UGT1A9: variants seen among roughly 807,000 people sequenced by gnomAD.
UGT1A9 encodes UDP-glucuronosyltransferase 1A9.
UGT1A9 carries 35 observed loss-of-function variants against 45.0 expected under a neutral mutation model. That is an observed-to-expected ratio of 0.78 (90% CI 0.59 to 1.03). The LOEUF is 1.03. Ranked by LOEUF, UGT1A9 falls within the 50% of genes least tolerant of loss-of-function variation. The probability of loss-of-function intolerance (pLI) is 0.00; values close to 1 mark genes in which losing one functional copy is unlikely to be tolerated. For missense variants in UGT1A9, 687 were observed against 666.6 expected (o/e 1.03, Z -0.34); for synonymous variants, 278 against 250.6 (o/e 1.11, Z -1.03).
intron 1 of UGT1A9, chr2:233,761,087 C>G (rs141950052): frequency 6.2e-7 from 1 of 1,614,018 alleles, no homozygotes; most frequent in Non-Finnish European, 8.5e-7. Flanking sequence ...TACCCTAGGC[C>G]CATCATGCCC....
intron 1 of UGT1A9, among the ~76,000 whole-genome samples, chr2:233,677,019 T>G (rs1370801889): frequency 6.6e-6 from 1 of 152,182 alleles, no homozygotes; most frequent in Non-Finnish European, 1.5e-5. Context: ...AAATTGCTTT[T>G]GCTATTGGAG....
intron 1 of UGT1A9, chr2:233,755,200 G>C: frequency 9.0e-7 from 1 of 1,105,698 alleles, no homozygotes; most frequent in Non-Finnish European, 1.3e-6. Context: ...GCCAGCTTGC[G>C]GTACGCCTTC....
chr2:233,672,390 C>G lies in UGT1A9; in HGVS notation c.456C>G (p.Asn152Lys). ...CAGTGTTTCTCGATCCTTTTGATAA[C>G]TGTGGCTTAATTGTTGCCAAATATT... Reference protein sequence around the residue: ...FDAVFLDPFDNCGLIVAKYFS... With the variant: ...FDAVFLDPFDKCGLIVAKYFS... Residue 152 changes from asparagine (N) to lysine (K), a missense_variant, in exon 1 of 5, where the codon AAC becomes AAG. Coordinates refer to ENST00000354728, the MANE Select transcript of UGT1A9 (RefSeq NM_021027.3). 1.2e-6 allele frequency: 2 copies of G among 1,614,076 alleles called. No homozygotes were observed. Among genetic ancestry groups the G allele is most frequent in the South Asian group, 2.2e-5 (2 of 91,080 alleles).
intron 1 of UGT1A9, among the ~76,000 whole-genome samples, chr2:233,703,998 C>A (rs2075762897): frequency 6.6e-6 from 1 of 151,952 alleles, no homozygotes; most frequent in South Asian, 2.1e-4. Flanking sequence ...TCAAGCAGTT[C>A]TCCCACCTCA....
At chr2:233,695,564 A>AC (rs1277678782) in intron 1 of UGT1A9, among the ~76,000 whole-genome samples, 4 of 146,794 alleles carry the variant, frequency 2.7e-5, no homozygotes, top group East Asian at 2.0e-4. Flanking sequence ...AACCATTTTC[A>AC]CCCCCCCTTC....
intron 1 of UGT1A9, chr2:233,730,108 C>T (rs1261016305): frequency 1.3e-6 from 2 of 1,570,456 alleles, no homozygotes; most frequent in Non-Finnish European, 1.7e-6. Flanking sequence ...TTCATTTCTG[C>T]TTCTCCTTGT....
At chr2:233,731,985 C>T (rs770013724) in intron 1 of UGT1A9, among the ~76,000 whole-genome samples, 2 of 152,098 alleles carry the variant, frequency 1.3e-5, no homozygotes, top group Admixed American at 6.6e-5. Flanking sequence ...TTCTAACTGG[C>T]GTGAGATGGT....
intron 1 of UGT1A9, among the ~76,000 whole-genome samples, chr2:233,689,163 C>T (rs1201138635): frequency 6.6e-6 from 1 of 152,222 alleles, no homozygotes; most frequent in Non-Finnish European, 1.5e-5. Context: ...AACACCTTAT[C>T]TTCTACTAGG....
intron 1 of UGT1A9, 60 bp downstream of exon 1, chr2:233,672,849 T>C (rs1300994812): frequency 1.3e-6 from 2 of 1,548,914 alleles, no homozygotes; most frequent in Admixed American, 4.1e-5. Context: ...TAAAAAAGGA[T>C]TCTTTACTGA....
intron 1 of UGT1A9, among the ~76,000 whole-genome samples, chr2:233,745,434 A>C (rs1034656561): frequency 2.6e-5 from 4 of 151,684 alleles, no homozygotes; most frequent in Non-Finnish European, 4.4e-5. Context: ...TTGTGAGGCA[A>C]TACACTAGTA....
chr2:233,724,270 G>A (rs1404305230), intron 1 of UGT1A9, among the ~76,000 whole-genome samples: 18 of 134,540 alleles, frequency 1.3e-4, no homozygotes, highest in African/African-American at 3.1e-4. Flanking sequence ...CGGACGGGGC[G>A]GCTGGCCGGG....
In UGT1A9 at chr2:233,765,523, G is replaced by A. The variant is rs34942302; in HGVS notation, c.856-1511G>A. On this transcript the variant is annotated intron_variant, in intron 1 of 4. Coordinates refer to ENST00000354728, the MANE Select transcript of UGT1A9 (RefSeq NM_021027.3). ...ACACAGGAACAGAAAATCAAACACCGCATGTTCTCACTCATAAGTGGGAGT... is the reference window on the plus strand; with the variant it reads ...ACACAGGAACAGAAAATCAAACACCACATGTTCTCACTCATAAGTGGGAGT... Among the ~76,000 whole-genome samples, 784 of 152,122 alleles carry A rather than the reference G, an allele frequency of 5.2e-3. 4 individuals are homozygous for A. Among genetic ancestry groups the A allele is most frequent in the Non-Finnish European group, 8.2e-3 (558 of 68,008 alleles).
intron 1 of UGT1A9, chr2:233,743,709 C>T (rs1301083285): frequency 7.3e-7 from 1 of 1,367,384 alleles, no homozygotes; most frequent in Non-Finnish European, 9.8e-7. Context: ...GCCCCCGCCT[C>T]GCCATAGCGG....
intron 1 of UGT1A9, among the ~76,000 whole-genome samples, chr2:233,685,328 C>T (rs45629530): frequency 8.6e-5 from 13 of 152,044 alleles, no homozygotes; most frequent in Admixed American, 4.6e-4. Flanking sequence ...CCACCACACC[C>T]GGACTTAAAG....
At chr2:233,682,797 G>C (rs375716433) in intron 1 of UGT1A9, 257 of 1,610,126 alleles carry the variant, frequency 1.6e-4, no homozygotes, top group South Asian at 2.3e-4. Flanking sequence ...CCTATGGTAA[G>C]TTATCTCCCC....
At chr2:233,693,835 C>A (rs764583792) in intron 1 of UGT1A9, 2 of 1,614,056 alleles carry the variant, frequency 1.2e-6, no homozygotes, top group Non-Finnish European at 1.7e-6. Context: ...TTGGAGGTAT[C>A]AACTGTAAGA....
intron 1 of UGT1A9, among the ~76,000 whole-genome samples, chr2:233,727,988 A>C (rs1274314392): frequency 6.6e-6 from 1 of 152,262 alleles, no homozygotes; most frequent in Non-Finnish European, 1.5e-5. Context: ...AGGTGGCATC[A>C]GCAATCTTGT....
intron 1 of UGT1A9, among the ~76,000 whole-genome samples, chr2:233,727,606 A>T (rs554046773): frequency 6.6e-6 from 1 of 152,298 alleles, no homozygotes; most frequent in Admixed American, 6.5e-5. Flanking sequence ...TTGGAGGAAT[A>T]GTTCAGAGGC....
intron 1 of UGT1A9, among the ~76,000 whole-genome samples, chr2:233,756,911 G>A (rs1386201221): frequency 6.6e-6 from 1 of 152,014 alleles, no homozygotes; most frequent in African/African-American, 2.4e-5. Flanking sequence ...ACAAACTTCT[G>A]AGTTTATATA....
Sources: allele counts gnomAD v4.1 joint callset (sites outside exome capture counted in the v4.1 genomes callset), GRCh38; gene constraint gnomAD v4.1.1; transcripts MANE v1.5; gene names NCBI Gene and HGNC (gene_info 2026-07-23, HGNC 2026-07-21).